APBB2: variants seen among roughly 807,000 people sequenced by gnomAD.
The protein encoded by APBB2 is Fe65-like 1.
APBB2 carries 38 observed loss-of-function variants against 82.5 expected under a neutral mutation model. The ratio of observed to expected loss-of-function variants is 0.46; its 90% confidence interval spans 0.36 to 0.60. APBB2 has a LOEUF of 0.60. Ranked by LOEUF, APBB2 falls within the 20% of genes least tolerant of loss-of-function variation. The probability of loss-of-function intolerance (pLI) is 0.00; values close to 1 mark genes in which losing one functional copy is unlikely to be tolerated. For missense variants in APBB2, 772 were observed against 972.3 expected (o/e 0.79, Z 2.74); for synonymous variants, 341 against 368.2 (o/e 0.93, Z 0.85).
intron 2 of APBB2, among the ~76,000 whole-genome samples, chr4:41,107,565 G>C (rs1747703228): frequency 6.6e-6 from 1 of 152,192 alleles, no homozygotes; most frequent in Admixed American, 6.5e-5. Flanking sequence ...CTCACACACA[G>C]TCTCAGAATA....
chr4:40,842,500 A>G (rs1433735687), intron 12 of APBB2: 1 of 362,374 alleles, frequency 2.8e-6, no homozygotes, highest in Non-Finnish European at 5.8e-6. Flanking sequence ...TAATTTCCCA[A>G]CTCTGCAGCA....
At chr4:41,187,293 C>T (rs1333872390) in intron 1 of APBB2, among the ~76,000 whole-genome samples, 1 of 152,122 alleles carries the variant, frequency 6.6e-6, no homozygotes, top group Admixed American at 6.5e-5. Context: ...TTGTTATTTA[C>T]TGCTGTGTTT....
chr4:41,123,481 C>T (rs1753487779), intron 2 of APBB2, among the ~76,000 whole-genome samples: 1 of 152,030 alleles, frequency 6.6e-6, no homozygotes, highest in Non-Finnish European at 1.5e-5. Context: ...GAGGATATTC[C>T]ACCCTGCATG....
At chr4:41,005,497 G>A (rs1425640850) in intron 6 of APBB2, among the ~76,000 whole-genome samples, 2 of 152,140 alleles carry the variant, frequency 1.3e-5, no homozygotes, top group African/African-American at 4.8e-5. Context: ...AAAGTGTCCA[G>A]TAGTGTTTTT....
At chr4:40,942,638 C>G (rs28699337) in intron 7 of APBB2, among the ~76,000 whole-genome samples, 55,509 of 151,826 alleles carry the variant, frequency 0.37, 10,505 homozygotes, top group Middle Eastern at 0.44. Context: ...GGCCGAGCAG[C>G]GGGGCTGTTG....
chr4:40,930,438 T>C (rs1235934252), intron 10 of APBB2, among the ~76,000 whole-genome samples: 2 of 41,920 alleles, frequency 4.8e-5, no homozygotes, highest in Admixed American at 3.1e-4. Flanking sequence ...TGTGTGTGTG[T>C]GTGTGTGTGT....
intron 2 of APBB2, among the ~76,000 whole-genome samples, chr4:41,101,720 G>A (rs1745514203): frequency 6.6e-6 from 1 of 151,922 alleles, no homozygotes; most frequent in Admixed American, 6.6e-5. Flanking sequence ...AGCACTTTGG[G>A]AGGCCCAGGC....
At chr4:41,105,214 G>A (rs1449665771) in intron 2 of APBB2, among the ~76,000 whole-genome samples, 1 of 152,106 alleles carries the variant, frequency 6.6e-6, no homozygotes, top group Non-Finnish European at 1.5e-5. Context: ...TAGATGTATA[G>A]TCTATTTTTG....
At chr4:41,103,126 T>C (rs1445363390) in intron 2 of APBB2, among the ~76,000 whole-genome samples, 1 of 152,256 alleles carries the variant, frequency 6.6e-6, no homozygotes, top group African/African-American at 2.4e-5. Context: ...CAACATATTG[T>C]AATGCAATTT....
chr4:41,208,615 A>G (rs1778558291), intron 1 of APBB2, among the ~76,000 whole-genome samples: 1 of 152,192 alleles, frequency 6.6e-6, no homozygotes, highest in Non-Finnish European at 1.5e-5. Context: ...TCCCACTCTA[A>G]GCATTCCTGA....
At position 40,812,583 on chromosome 4, in the gene APBB2, A is replaced by G. The variant is rs150066610; in HGVS notation, c.*3509T>C. On this transcript the variant is annotated 3_prime_UTR_variant, in exon 18 of 18. Coordinates refer to ENST00000508593, the MANE Select transcript of APBB2 (RefSeq NM_004307.2). The stretch of plus-strand genomic sequence containing the variant: ...GGGGCTTATTAGTTAAATTGTGCTA[A>G]TATCAGTTAGGAAAATGCTTGTCAT... 271 of 150,590 alleles carry G rather than the reference A, an allele frequency of 1.8e-3. No individual in the cohort carries two copies. The highest frequency in any genetic ancestry group is 6.5e-3 in the African/African-American group (264 of 40,796). 9.3% of individuals were successfully genotyped at this position (150,590 alleles called of 1,614,324 possible). A position where few individuals can be genotyped will look rare whatever the true frequency, so the allele number is the denominator to read the frequency against.
chr4:41,033,561 C>T (rs1222578479), intron 4 of APBB2, among the ~76,000 whole-genome samples: 3 of 147,000 alleles, frequency 2.0e-5, no homozygotes, highest in African/African-American at 7.5e-5. Flanking sequence ...CTTTCTGTCT[C>T]AAGTTTCCAA....
At chr4:40,930,448 TGCGCGCGCGCGC>T (rs1174752964) in intron 10 of APBB2, among the ~76,000 whole-genome samples, 4 of 66,538 alleles carry the variant, frequency 6.0e-5, no homozygotes, top group Admixed American at 4.9e-4. Flanking sequence ...TGTGTGTGTG[TGCGCGCGCGCGC>T]GCGCGCGTGC....
chr4:41,039,553 A>C (rs1309408173), intron 4 of APBB2, among the ~76,000 whole-genome samples: 1 of 152,174 alleles, frequency 6.6e-6, no homozygotes, highest in Non-Finnish European at 1.5e-5. Context: ...GCACATCTTA[A>C]GCATTCAATA....
chr4:40,994,335 G>T (rs1424605501), intron 6 of APBB2, among the ~76,000 whole-genome samples: 1 of 151,306 alleles, frequency 6.6e-6, no homozygotes, highest in Non-Finnish European at 1.5e-5. Flanking sequence ...ACAGACTACA[G>T]GCCAAACTTA....
At chr4:40,903,528 T>C (rs796389343) in intron 10 of APBB2, among the ~76,000 whole-genome samples, 4 of 152,278 alleles carry the variant, frequency 2.6e-5, no homozygotes, top group African/African-American at 7.2e-5. Context: ...CCCCTTGATA[T>C]TACCCTTGAT....
intron 2 of APBB2, among the ~76,000 whole-genome samples, chr4:41,136,005 T>C (rs1757456207): frequency 6.6e-6 from 1 of 152,166 alleles, no homozygotes; most frequent in African/African-American, 2.4e-5. Context: ...GTTGACTCAG[T>C]GAATGTGACT....
chr4:40,827,043 T>C (rs1577720129), intron 14 of APBB2, 89 bp downstream of exon 14: 1 of 1,230,218 alleles, frequency 8.1e-7, no homozygotes, highest in East Asian at 2.3e-5. Context: ...TTAAGGAGAC[T>C]TGAAATACCA....
At chr4:41,165,526 T>C (rs1215836943) in intron 1 of APBB2, among the ~76,000 whole-genome samples, 1 of 152,164 alleles carries the variant, frequency 6.6e-6, no homozygotes, top group African/African-American at 2.4e-5. Context: ...ACTTCCTACT[T>C]AGCTCTTTAG....
Sources: gnomAD v4.1 joint callset for allele counts (sites outside exome capture counted in the v4.1 genomes callset) on GRCh38, gnomAD v4.1.1 for gene constraint, MANE v1.5 for transcripts, NCBI Gene and HGNC (gene_info 2026-07-23, HGNC 2026-07-21) for gene names.